Variants in PALS2 observed in about 807,000 individuals in gnomAD.
PALS2 encodes the protein protein associated with LIN7 2, MAGUK p55 family member.
A neutral mutation model predicts 61.6 loss-of-function variants in PALS2; 27 were observed. That is an observed-to-expected ratio of 0.44 (90% CI 0.32 to 0.60). The LOEUF is 0.60. PALS2 is among the 20% of genes least tolerant of loss of function. The pLI, the probability that PALS2 is intolerant of heterozygous loss-of-function variation, is 0.05. For synonymous variants in PALS2, 236 were observed against 218.6 expected, an observed-to-expected ratio of 1.08 and a Z score of -0.70; for missense variants, 554 against 639.4, an observed-to-expected ratio of 0.87 and a Z score of 1.44.
At chr7:24,665,937 C>A in intron 7 of PALS2, 84 bp from the exon 8 acceptor site, 1 of 1,306,750 alleles carries the variant, frequency 7.7e-7, no homozygotes, top group Non-Finnish European at 1.1e-6. Context: ...GGAGATAATT[C>A]TCCCACCCCT....
intron 3 of PALS2, 83 bp from the exon 4 acceptor site, chr7:24,649,529 A>C: frequency 7.6e-7 from 1 of 1,307,414 alleles, no homozygotes; most frequent in Non-Finnish European, 1.0e-6. Context: ...ACTCCATTGG[A>C]ATAATGAAAT....
intron 1 of PALS2, among the ~76,000 whole-genome samples, chr7:24,599,505 C>CTT (rs1159029178): frequency 1.1e-3 from 130 of 116,564 alleles, no homozygotes; most frequent in South Asian, 1.6e-3. Flanking sequence ...CTTCTATAAG[C>CTT]TTTTTTTTTT....
At chr7:24,617,712 C>G (rs1583881249) in intron 1 of PALS2, among the ~76,000 whole-genome samples, 1 of 152,172 alleles carries the variant, frequency 6.6e-6, no homozygotes, top group Admixed American at 6.5e-5. Context: ...CAGGGGTGGG[C>G]TCACTGGGCT....
chr7:24,671,667 T>A (rs1268788948), intron 9 of PALS2, among the ~76,000 whole-genome samples: 2 of 152,214 alleles, frequency 1.3e-5, no homozygotes, highest in African/African-American at 4.8e-5. Context: ...TTTATACTAC[T>A]GACTCTTACA....
At chr7:24,620,602 T>C (rs143391996) in intron 1 of PALS2, among the ~76,000 whole-genome samples, 1 of 152,190 alleles carries the variant, frequency 6.6e-6, no homozygotes, top group East Asian at 1.9e-4. Flanking sequence ...AAACAAGCAC[T>C]TCAAGAATCA....
intron 5 of PALS2, among the ~76,000 whole-genome samples, chr7:24,659,261 T>C (rs1163160461): frequency 1.3e-5 from 2 of 152,216 alleles, no homozygotes; most frequent in Non-Finnish European, 2.9e-5. Context: ...ATTGGGCGCC[T>C]AGGTTGATTT....
intron 9 of PALS2, among the ~76,000 whole-genome samples, chr7:24,676,691 C>A (rs377162474): frequency 1.4e-5 from 2 of 147,928 alleles, no homozygotes; most frequent in Non-Finnish European, 2.9e-5. Context: ...GTTGTAGATA[C>A]GCGGCGTTAT....
Position 24,663,682 on chromosome 7 carries a change from T to C in PALS2, c.744T>C (p.Ile248=). 1.9e-6 allele frequency: 3 copies of C among 1,609,192 alleles called. No individual in the cohort carries two copies. Among genetic ancestry groups the C allele is most frequent in the Non-Finnish European group, 2.6e-6 (3 of 1,176,050 alleles). The change falls in exon 6 of 12, where the codon ATT becomes ATC. Residue 248 remains isoleucine (I), a synonymous_variant. Transcript: ENST00000222644. The stretch of plus-strand genomic sequence containing the variant: ...GATTGAAGTTTTCCAAAGGAGAGAT[T>C]CTTCAGATTGTAAATAGAGAAGATC... ...EAGLKFSKGE[I]LQIVNREDPN...
chr7:24,586,317 C>G (rs115872673), intron 1 of PALS2, among the ~76,000 whole-genome samples: 1 of 152,008 alleles, frequency 6.6e-6, no homozygotes, highest in Non-Finnish European at 1.5e-5. Context: ...AAATGTTCAC[C>G]TGTGGGGAGA....
At chr7:24,584,922 C>T (rs1173372649) in intron 1 of PALS2, among the ~76,000 whole-genome samples, 2 of 151,896 alleles carry the variant, frequency 1.3e-5, no homozygotes, top group Non-Finnish European at 2.9e-5. Context: ...AATAGGGAAT[C>T]CTTTCCCCAT....
intron 5 of PALS2, among the ~76,000 whole-genome samples, chr7:24,651,508 A>G (rs912467502): frequency 1.3e-5 from 2 of 152,202 alleles, no homozygotes; most frequent in South Asian, 4.1e-4. Flanking sequence ...AATTCATGTA[A>G]TGCTCTCACA....
At chr7:24,666,135 T>G (rs1787005350) in intron 8 of PALS2, 46 bp downstream of exon 8, 2 of 1,492,956 alleles carry the variant, frequency 1.3e-6, no homozygotes, top group East Asian at 4.5e-5. Context: ...AGTAGCTATA[T>G]GTCATTTAGT....
intron 1 of PALS2, among the ~76,000 whole-genome samples, chr7:24,611,653 A>G (rs1195435258): frequency 6.6e-6 from 1 of 152,046 alleles, no homozygotes; most frequent in Non-Finnish European, 1.5e-5. Context: ...ATAGAGTACT[A>G]TGAAAGTATG....
intron 9 of PALS2, among the ~76,000 whole-genome samples, chr7:24,675,053 T>C (rs1583993936): frequency 6.6e-6 from 1 of 152,196 alleles, no homozygotes; most frequent in East Asian, 1.9e-4. Flanking sequence ...GTTCTAGAAA[T>C]GGAAAGCAGT....
intron 1 of PALS2, among the ~76,000 whole-genome samples, chr7:24,591,172 C>CT (rs1239591326): frequency 6.6e-6 from 1 of 152,034 alleles, no homozygotes; most frequent in African/African-American, 2.4e-5. Context: ...GGAAGTGTGT[C>CT]TAATAGTTTT....
chr7:24,589,782 A>G (rs117909879), intron 1 of PALS2, among the ~76,000 whole-genome samples: 1,910 of 152,298 alleles, frequency 0.013, 31 homozygotes, highest in South Asian at 0.064. Flanking sequence ...ATGTACCATG[A>G]AAGTTAAAGG....
intron 1 of PALS2, among the ~76,000 whole-genome samples, chr7:24,602,175 T>C (rs549066878): frequency 4.6e-5 from 7 of 152,250 alleles, no homozygotes; most frequent in Admixed American, 4.6e-4. Flanking sequence ...CTTTCTGCTT[T>C]TGTATTTTTA....
chr7:24,686,021 A>C (rs1383966506), intron 11 of PALS2, among the ~76,000 whole-genome samples: 1 of 152,056 alleles, frequency 6.6e-6, no homozygotes, highest in Non-Finnish European at 1.5e-5. Context: ...AGCTTACCAT[A>C]TTACAAAGTA....
Position 24,687,768 on chromosome 7 carries a change from T to G in PALS2, c.*154T>G. The stretch of plus-strand genomic sequence containing the variant: ...TTGAAATAATAGTACACTTCTGAAT[T>G]TTTATATAAAATGTGGTTGGAAGGT... On this transcript the variant is annotated 3_prime_UTR_variant, in exon 12 of 12. Transcript: ENST00000222644. This position sits in a 1 kb window ranked among gnomAD's most constrained non-coding sequence, Gnocchi z 4.5. 3.1e-6 allele frequency: 2 copies of G among 638,698 alleles called. No homozygotes were observed. The highest frequency in any genetic ancestry group is 4.4e-4 in the Middle Eastern group (1 of 2,276). The allele number at this position is 638,698 out of a possible 1,614,324, so 39.6% of individuals were successfully genotyped here. A position where few individuals can be genotyped will look rare whatever the true frequency, so the allele number is the denominator to read the frequency against.
Sources: gnomAD v4.1 joint callset for allele counts (sites outside exome capture counted in the v4.1 genomes callset) on GRCh38, gnomAD v4.1.1 for gene constraint, Gnocchi (gnomAD v3.1) non-coding constraint, MANE v1.5 for transcripts, NCBI Gene and HGNC (gene_info 2026-07-23, HGNC 2026-07-21) for gene names.